PIK3CB: variants seen among roughly 807,000 people sequenced by gnomAD.
PIK3CB encodes phosphatidylinositol-4,5-bisphosphate 3-kinase catalytic subunit beta, also known as phosphatidylinositol 4,5-bisphosphate 3-kinase catalytic subunit beta isoform.
A neutral mutation model predicts 136.8 loss-of-function variants in PIK3CB; 39 were observed. The ratio of observed to expected loss-of-function variants is 0.29; its 90% confidence interval spans 0.22 to 0.37. The LOEUF is 0.37. Among genes scored for constraint, PIK3CB ranks in the 10% least tolerant of loss-of-function variants. The pLI is 1.00. For synonymous variants in PIK3CB, 428 were observed against 436.6 expected, an observed-to-expected ratio of 0.98 and a Z score of 0.25; for missense variants, 868 against 1,275.4, an observed-to-expected ratio of 0.68 and a Z score of 4.87.
intron 17 of PIK3CB, 117 bp downstream of exon 17, chr3:138,684,508 C>T: frequency 1.6e-6 from 1 of 620,808 alleles, no homozygotes; most frequent in Non-Finnish European, 2.5e-6. Flanking sequence ...TAAGATTTTC[C>T]TTCCTTAATT....
intron 2 of PIK3CB, among the ~76,000 whole-genome samples, chr3:138,789,527 T>A (rs2046024792): frequency 6.6e-6 from 1 of 152,162 alleles, no homozygotes; most frequent in Admixed American, 6.6e-5. Flanking sequence ...TCTGGTGATG[T>A]ATGCAAAAGA....
chr3:138,663,841 A>G, intron 21 of PIK3CB, 65 bp downstream of exon 21: 1 of 1,511,936 alleles, frequency 6.6e-7, no homozygotes, highest in Admixed American at 2.2e-5. Context: ...GTTGCACAAG[A>G]GATTATGCTA....
chr3:138,809,696 G>A (rs2046273021), intron 1 of PIK3CB, among the ~76,000 whole-genome samples: 1 of 151,536 alleles, frequency 6.6e-6, no homozygotes, highest in South Asian at 2.1e-4. Flanking sequence ...GAGGAAGCGA[G>A]AATGGACTGG....
At chr3:138,702,612 A>G (rs981477610) in intron 12 of PIK3CB, among the ~76,000 whole-genome samples, 2 of 152,200 alleles carry the variant, frequency 1.3e-5, no homozygotes, top group African/African-American at 2.4e-5. Flanking sequence ...CTGTGTAACT[A>G]TATCTCCTAA....
intron 22 of PIK3CB, chr3:138,657,161 T>C (rs1368755176): frequency 6.5e-6 from 1 of 152,868 alleles, no homozygotes; most frequent in Non-Finnish European, 1.5e-5. Flanking sequence ...CTATAAAGGA[T>C]AGTGACAATG....
chr3:138,700,547 A>T (rs2108536131), intron 12 of PIK3CB, among the ~76,000 whole-genome samples: 1 of 152,224 alleles, frequency 6.6e-6, no homozygotes, highest in Non-Finnish European at 1.5e-5. Flanking sequence ...ATAAATGGAA[A>T]TCACAAATCC....
At chr3:138,769,577 A>G (rs754153025) in intron 2 of PIK3CB, among the ~76,000 whole-genome samples, 32 of 152,186 alleles carry the variant, frequency 2.1e-4, no homozygotes, top group Admixed American at 9.8e-4. Context: ...AAAATTATTG[A>G]GGGAGAGGGC....
chr3:138,686,187 C>A (rs2043888982), intron 16 of PIK3CB, among the ~76,000 whole-genome samples: 1 of 151,616 alleles, frequency 6.6e-6, no homozygotes, highest in Non-Finnish European at 1.5e-5. Context: ...GCCTGTAATC[C>A]CAGTATTTTG....
At chr3:138,734,591 A>G (rs370873004) in intron 7 of PIK3CB, 43 bp downstream of exon 7, 4 of 1,428,220 alleles carry the variant, frequency 2.8e-6, no homozygotes, top group Non-Finnish European at 3.9e-6. Flanking sequence ...TAACACAATC[A>G]CATGGCTTTT....
At chr3:138,691,552 T>C (rs2044008486) in intron 14 of PIK3CB, among the ~76,000 whole-genome samples, 1 of 152,142 alleles carries the variant, frequency 6.6e-6, no homozygotes, top group Non-Finnish European at 1.5e-5. Context: ...TGAGATCTGA[T>C]GGCTTCATAA....
At chr3:138,692,181 C>T (rs1344614074) in intron 14 of PIK3CB, among the ~76,000 whole-genome samples, 1 of 152,088 alleles carries the variant, frequency 6.6e-6, no homozygotes, top group Non-Finnish European at 1.5e-5. Context: ...GGTATGAAGC[C>T]CAAGTGCCCC....
chr3:138,767,505 C>T (rs920816778), intron 2 of PIK3CB, among the ~76,000 whole-genome samples: 4 of 152,204 alleles, frequency 2.6e-5, no homozygotes, highest in Non-Finnish European at 5.9e-5. Flanking sequence ...TGGCCAGTGG[C>T]GCCTTTGCCT....
intron 1 of PIK3CB, among the ~76,000 whole-genome samples, chr3:138,827,067 C>CAATAAATA (rs10651373): frequency 4.0e-5 from 6 of 151,222 alleles, no homozygotes; most frequent in African/African-American, 1.5e-4. Flanking sequence ...AAAACTCGGT[C>CAATAAATA]AATAAATAAA....
intron 1 of PIK3CB, among the ~76,000 whole-genome samples, chr3:138,797,415 C>A (rs1330434163): frequency 6.6e-6 from 1 of 152,164 alleles, no homozygotes; most frequent in African/African-American, 2.4e-5. Flanking sequence ...TCCTGCGTGA[C>A]TGCACAGATT....
chr3:138,719,023 C>T (rs1381698917), intron 8 of PIK3CB, among the ~76,000 whole-genome samples: 1 of 152,088 alleles, frequency 6.6e-6, no homozygotes, highest in Non-Finnish European at 1.5e-5. Context: ...TCTTTAAGTC[C>T]ATGTCTCTGA....
At chr3:138,768,663 G>C (rs1266847341) in intron 2 of PIK3CB, among the ~76,000 whole-genome samples, 2 of 152,174 alleles carry the variant, frequency 1.3e-5, no homozygotes, top group Non-Finnish European at 2.9e-5. Context: ...ACCGCCTACA[G>C]GTCAGCGCCA....
chr3:138,695,584 G>T (rs1227773818), intron 13 of PIK3CB, among the ~76,000 whole-genome samples: 2 of 151,788 alleles, frequency 1.3e-5, no homozygotes, highest in Non-Finnish European at 2.9e-5. Flanking sequence ...AAGTTAAAAG[G>T]CATTTTCTCA....
At chr3:138,824,214 C>A (rs1201244480) in intron 1 of PIK3CB, among the ~76,000 whole-genome samples, 1 of 152,186 alleles carries the variant, frequency 6.6e-6, no homozygotes, top group Non-Finnish European at 1.5e-5. Context: ...CCTCCCCCTG[C>A]AGGCATGGAT....
intron 1 of PIK3CB, among the ~76,000 whole-genome samples, chr3:138,821,262 G>A (rs756955156): frequency 1.4e-5 from 2 of 143,544 alleles, no homozygotes; most frequent in African/African-American, 2.6e-5. Context: ...CCAGCTTGGC[G>A]ACAGAACGAG....
Sources: allele counts gnomAD v4.1 joint callset (sites outside exome capture counted in the v4.1 genomes callset), GRCh38; gene constraint gnomAD v4.1.1; transcripts MANE v1.5; gene names NCBI Gene and HGNC (gene_info 2026-07-23, HGNC 2026-07-21).